The following ADGRB3 variants were observed in gnomAD, a reference collection of about 807,000 sequenced individuals.
ADGRB3 encodes brain-specific angiogenesis inhibitor 3.
A neutral mutation model predicts 193.4 loss-of-function variants in ADGRB3; 37 were observed. The ratio of observed to expected loss-of-function variants is 0.19; its 90% CI spans 0.15 to 0.25. The LOEUF (loss-of-function observed/expected upper bound fraction) is 0.25. Among genes scored for constraint, ADGRB3 ranks in the 10% least tolerant of loss-of-function variants. The probability of loss-of-function intolerance (pLI) is 1.00; values close to 1 mark genes in which losing one functional copy is unlikely to be tolerated. For missense variants in ADGRB3, 1,637 were observed against 1,852.9 expected (o/e 0.88, Z 2.14); for synonymous variants, 690 against 644.2 (o/e 1.07, Z -1.08).
chr6:68,706,725 T>A (rs1331967796), intron 3 of ADGRB3, among the ~76,000 whole-genome samples: 1 of 152,234 alleles, frequency 6.6e-6, no homozygotes, highest in East Asian at 1.9e-4. Context: ...ACTAATTAAA[T>A]GTTAGTGTTA....
intron 3 of ADGRB3, among the ~76,000 whole-genome samples, chr6:68,705,267 C>T (rs933166066): frequency 2.6e-5 from 4 of 152,126 alleles, no homozygotes; most frequent in African/African-American, 9.7e-5. Flanking sequence ...AATTTAAGCT[C>T]AAAGAGTGTA....
intron 3 of ADGRB3, among the ~76,000 whole-genome samples, chr6:68,867,592 G>A (rs1431853761): frequency 6.6e-6 from 1 of 152,150 alleles, no homozygotes; most frequent in Non-Finnish European, 1.5e-5. Context: ...CAGAATGGTA[G>A]GTCCACAGAC....
intron 3 of ADGRB3, among the ~76,000 whole-genome samples, chr6:68,906,088 C>A (rs1157150701): frequency 6.7e-6 from 1 of 148,690 alleles, no homozygotes; most frequent in African/African-American, 2.5e-5. Context: ...TTTTTTTTTT[C>A]TTTTTGGTTC....
intron 20 of ADGRB3, among the ~76,000 whole-genome samples, chr6:69,246,743 G>A (rs1336856070): frequency 1.3e-5 from 2 of 152,182 alleles, no homozygotes; most frequent in African/African-American, 4.8e-5. Flanking sequence ...CGATTGAGAT[G>A]TCAAGAGCCA....
chr6:68,640,695 A>C (rs1421723106), intron 3 of ADGRB3, among the ~76,000 whole-genome samples: 1 of 152,192 alleles, frequency 6.6e-6, no homozygotes, highest in Admixed American at 6.5e-5. Context: ...ACGTTGTTGG[A>C]GAATTTTCTT....
At chr6:69,273,413 A>G (rs186819494) in intron 20 of ADGRB3, among the ~76,000 whole-genome samples, 30 of 152,332 alleles carry the variant, frequency 2.0e-4, no homozygotes, top group Admixed American at 1.6e-3. Flanking sequence ...AATTCATGCA[A>G]TCTAGTAAAT....
chr6:68,870,731 T>C (rs1765431965), intron 3 of ADGRB3, among the ~76,000 whole-genome samples: 1 of 152,224 alleles, frequency 6.6e-6, no homozygotes, highest in Admixed American at 6.5e-5. Flanking sequence ...TGAACATTTC[T>C]GAGATTTAGT....
At chr6:68,723,301 T>G (rs764242449) in intron 3 of ADGRB3, among the ~76,000 whole-genome samples, 30 of 151,906 alleles carry the variant, frequency 2.0e-4, no homozygotes, top group Non-Finnish European at 3.5e-4. Flanking sequence ...CTTCTTTAAC[T>G]GGTATCTTCT....
intron 3 of ADGRB3, among the ~76,000 whole-genome samples, chr6:68,706,630 C>T (rs1373994429): frequency 6.6e-6 from 1 of 152,158 alleles, no homozygotes; most frequent in African/African-American, 2.4e-5. Flanking sequence ...AATTCTACAT[C>T]TATGCAATGG....
chr6:69,331,766 C>T (rs1768735841), intron 23 of ADGRB3: 1 of 985,168 alleles, frequency 1.0e-6, no homozygotes, highest in African/African-American at 1.7e-5. Context: ...ATAATTGAAA[C>T]ACCAAAGTAT....
intron 30 of ADGRB3, among the ~76,000 whole-genome samples, chr6:69,375,159 A>G (rs989306413): frequency 6.6e-6 from 1 of 152,134 alleles, no homozygotes; most frequent in Admixed American, 6.6e-5. Flanking sequence ...ATTTGCTACT[A>G]AAAGCTGCTA....
At chr6:68,807,069 A>G (rs1767414186) in intron 3 of ADGRB3, among the ~76,000 whole-genome samples, 1 of 152,138 alleles carries the variant, frequency 6.6e-6, no homozygotes, top group East Asian at 1.9e-4. Context: ...TTTTTGAAGT[A>G]CTTATTTGCA....
chr6:68,848,546 G>A (rs1330733828), intron 3 of ADGRB3, among the ~76,000 whole-genome samples: 1 of 151,934 alleles, frequency 6.6e-6, no homozygotes, highest in African/African-American at 2.4e-5. Context: ...GCTTTTGGGT[G>A]TTCTATTTAG....
intron 3 of ADGRB3, among the ~76,000 whole-genome samples, chr6:68,712,000 C>T (rs1223263059): frequency 3.3e-5 from 5 of 151,994 alleles, no homozygotes; most frequent in Non-Finnish European, 5.9e-5. Context: ...CTTAAGGATT[C>T]TGTCTGTTCT....
intron 3 of ADGRB3, among the ~76,000 whole-genome samples, chr6:68,728,841 T>C (rs1454910486): frequency 6.6e-6 from 1 of 151,644 alleles, no homozygotes; most frequent in Non-Finnish European, 1.5e-5. Flanking sequence ...AACTGTATTA[T>C]GTGGCCTTGA....
chr6:68,683,483 A>G (rs1764932191), intron 3 of ADGRB3, among the ~76,000 whole-genome samples: 3 of 152,234 alleles, frequency 2.0e-5, no homozygotes, highest in Admixed American at 6.5e-5. Flanking sequence ...ATGTACTAAA[A>G]GCAACTAGTG....
chr6:68,830,781 C>T (rs920616528), intron 3 of ADGRB3, among the ~76,000 whole-genome samples: 2 of 151,506 alleles, frequency 1.3e-5, no homozygotes, highest in African/African-American at 2.4e-5. Flanking sequence ...CGTAGTGAGC[C>T]GAGGGTGGTA....
At chr6:68,845,076 G>A (rs116192766) in intron 3 of ADGRB3, among the ~76,000 whole-genome samples, 1,587 of 152,182 alleles carry the variant, frequency 0.01, 26 homozygotes, top group African/African-American at 0.036. Flanking sequence ...GGTGACTACA[G>A]TCAATAATAA....
intron 8 of ADGRB3, among the ~76,000 whole-genome samples, chr6:68,973,361 A>G (rs1582362126): frequency 6.6e-6 from 1 of 152,206 alleles, no homozygotes; most frequent in African/African-American, 2.4e-5. Context: ...TGTTCAAACC[A>G]TTCATCTTAT....
Sources: gnomAD v4.1 joint callset for allele counts (sites outside exome capture counted in the v4.1 genomes callset) on GRCh38, gnomAD v4.1.1 for gene constraint, MANE v1.5 for transcripts, NCBI Gene and HGNC (gene_info 2026-07-23, HGNC 2026-07-21) for gene names.